Variants in GRIN2B observed in about 807,000 individuals in gnomAD.
GRIN2B encodes the protein glutamate receptor ionotropic, NMDA 2B.
Under a neutral mutation model 114.5 loss-of-function variants are expected in GRIN2B, and 5 were observed. That is an observed-to-expected ratio of 0.04 (90% CI 0.02 to 0.09). The LOEUF (loss-of-function observed/expected upper bound fraction) is 0.09, where lower values mean the gene tolerates loss of function less well. Among genes scored for constraint, GRIN2B ranks in the 10% least tolerant of loss-of-function variants. The pLI, the probability that GRIN2B is intolerant of heterozygous loss-of-function variation, is 1.00. For synonymous variants in GRIN2B, 787 were observed against 745.1 expected (o/e 1.06, Z -0.92); for missense variants, 1,108 against 1,943.5 (o/e 0.57, Z 8.08).
At chr12:13,900,551 C>G (rs118026923) in intron 2 of GRIN2B, among the ~76,000 whole-genome samples, 2 of 152,096 alleles carry the variant, frequency 1.3e-5, no homozygotes, top group South Asian at 4.1e-4. Context: ...TAACTATCAC[C>G]CAGATTAAAG....
chr12:13,729,391 G>A (rs909054455), intron 4 of GRIN2B, among the ~76,000 whole-genome samples: 2 of 152,058 alleles, frequency 1.3e-5, no homozygotes, highest in South Asian at 2.1e-4. Flanking sequence ...TGTCTCTCCC[G>A]TTTTTATGTA....
intron 3 of GRIN2B, among the ~76,000 whole-genome samples, chr12:13,842,158 A>G (rs531322238): frequency 2.0e-5 from 3 of 152,246 alleles, no homozygotes; most frequent in South Asian, 4.1e-4. Context: ...TCGTATAACC[A>G]TATCCCAATA....
intron 2 of GRIN2B, among the ~76,000 whole-genome samples, chr12:13,891,336 C>T (rs1022206679): frequency 6.6e-6 from 1 of 152,084 alleles, no homozygotes; most frequent in Non-Finnish European, 1.5e-5. Flanking sequence ...TTCTCCCCCT[C>T]CTCCCTTCAA....
chr12:13,655,736 G>C (rs1171666238), intron 5 of GRIN2B, among the ~76,000 whole-genome samples: 1 of 152,176 alleles, frequency 6.6e-6, no homozygotes, highest in Non-Finnish European at 1.5e-5. Context: ...ATTTGTATGA[G>C]TTAATGTAAG....
intron 3 of GRIN2B, among the ~76,000 whole-genome samples, chr12:13,818,135 A>G (rs143779826): frequency 1.4e-4 from 22 of 152,338 alleles, no homozygotes; most frequent in African/African-American, 4.6e-4. Context: ...TTGATTTATA[A>G]TTTAATAACA....
chr12:13,732,469 T>G (rs184638023), intron 4 of GRIN2B, among the ~76,000 whole-genome samples: 1 of 152,352 alleles, frequency 6.6e-6, no homozygotes, highest in Non-Finnish European at 1.5e-5. Flanking sequence ...TTCTACGTTC[T>G]TTGAAATCCA....
intron 2 of GRIN2B, among the ~76,000 whole-genome samples, chr12:13,929,258 C>T (rs1866975946): frequency 6.6e-6 from 1 of 152,144 alleles, no homozygotes; most frequent in Non-Finnish European, 1.5e-5. Context: ...AACAAAAAAA[C>T]AGTGAAATCC....
intron 4 of GRIN2B, among the ~76,000 whole-genome samples, chr12:13,703,272 A>C (rs987277453): frequency 6.6e-6 from 1 of 152,126 alleles, no homozygotes; most frequent in Non-Finnish European, 1.5e-5. Flanking sequence ...CCCCTCCCTT[A>C]TTTGGGCATA....
chr12:13,567,316 G>A, intron 12 of GRIN2B, 53 bp from the exon 13 acceptor site: 1 of 1,303,524 alleles, frequency 7.7e-7, no homozygotes, highest in Non-Finnish European at 1.1e-6. Context: ...CAGGAAAGGA[G>A]CAGAGAAAAG....
chr12:13,674,313 C>T (rs1950050307), intron 5 of GRIN2B, among the ~76,000 whole-genome samples: 1 of 152,084 alleles, frequency 6.6e-6, no homozygotes, highest in Non-Finnish European at 1.5e-5. Context: ...TGAGCTATGA[C>T]AGCACCACTG....
chr12:13,938,840 G>C (rs1022419119), intron 2 of GRIN2B, among the ~76,000 whole-genome samples: 5 of 152,274 alleles, frequency 3.3e-5, no homozygotes, highest in Admixed American at 6.5e-5. Flanking sequence ...TTTGTCAAAA[G>C]TCATGGACCT....
At chr12:13,757,536 T>C (rs1171350347) in intron 3 of GRIN2B, among the ~76,000 whole-genome samples, 1 of 152,120 alleles carries the variant, frequency 6.6e-6, no homozygotes, top group East Asian at 1.9e-4. Flanking sequence ...TAGCTCACTA[T>C]GCTTCCCCAC....
chr12:13,826,918 T>G (rs749287342), intron 3 of GRIN2B, among the ~76,000 whole-genome samples: 37 of 152,014 alleles, frequency 2.4e-4, no homozygotes, highest in African/African-American at 8.4e-4. Flanking sequence ...CTCAGCTTTT[T>G]TTTTCCTCTG....
intron 2 of GRIN2B, among the ~76,000 whole-genome samples, chr12:13,939,035 C>T (rs2136833085): frequency 6.6e-6 from 1 of 152,232 alleles, no homozygotes; most frequent in African/African-American, 2.4e-5. Context: ...AGGAGCTCAC[C>T]TCGAAAGACT....
At chr12:13,708,917 C>A (rs551702913) in intron 4 of GRIN2B, among the ~76,000 whole-genome samples, 1 of 152,148 alleles carries the variant, frequency 6.6e-6, no homozygotes, top group South Asian at 2.1e-4. Flanking sequence ...GATCCTTGCC[C>A]TTGTAAAGCT....
At chr12:13,671,431 GT>G (rs1950021222) in intron 5 of GRIN2B, among the ~76,000 whole-genome samples, 2 of 152,262 alleles carry the variant, frequency 1.3e-5, no homozygotes, top group South Asian at 4.2e-4. Flanking sequence ...GGAACAAAAT[GT>G]GTAAGACTGT....
intron 5 of GRIN2B, among the ~76,000 whole-genome samples, chr12:13,622,635 C>A (rs560213363): frequency 3.3e-5 from 5 of 152,158 alleles, no homozygotes; most frequent in Admixed American, 2.0e-4. Context: ...ATCCCTCACA[C>A]TTCTAGAGGC....
chr12:13,722,619 C>T (rs773104212), intron 4 of GRIN2B, among the ~76,000 whole-genome samples: 1 of 152,014 alleles, frequency 6.6e-6, no homozygotes, highest in Non-Finnish European at 1.5e-5. Flanking sequence ...AAGAGTGCTA[C>T]TTATAGAAAA....
intron 2 of GRIN2B, among the ~76,000 whole-genome samples, chr12:13,948,835 T>C (rs928925234): frequency 6.6e-6 from 1 of 152,112 alleles, no homozygotes; most frequent in African/African-American, 2.4e-5. Flanking sequence ...CATGGACAGA[T>C]GGGCCATTTA....
Sources: allele counts gnomAD v4.1 joint callset (sites outside exome capture counted in the v4.1 genomes callset), GRCh38; gene constraint gnomAD v4.1.1; transcripts MANE v1.5; gene names NCBI Gene and HGNC (gene_info 2026-07-23, HGNC 2026-07-21).